STAG1: variants seen among roughly 807,000 people sequenced by gnomAD.
STAG1 encodes STAG1 cohesin complex component.
STAG1 carries 26 observed loss-of-function variants against 170.9 expected under a neutral mutation model. The ratio of observed to expected loss-of-function variants is 0.15; its 90% CI spans 0.11 to 0.21. The LOEUF (loss-of-function observed/expected upper bound fraction) is 0.21, where lower values mean the gene tolerates loss of function less well. Among genes scored for constraint, STAG1 ranks in the 10% least tolerant of loss-of-function variants. The pLI is 1.00. For synonymous variants in STAG1, 514 were observed against 497.7 expected, an observed-to-expected ratio of 1.03 and a Z score of -0.44; for missense variants, 964 against 1,509.5, an observed-to-expected ratio of 0.64 and a Z score of 5.99.
intron 1 of STAG1, among the ~76,000 whole-genome samples, chr3:136,645,424 C>T (rs1940970516): frequency 6.6e-6 from 1 of 152,166 alleles, no homozygotes; most frequent in African/African-American, 2.4e-5. Flanking sequence ...TCAGCCCCAA[C>T]TGCCTCTGCT....
chr3:136,530,389 T>G (rs1052975378), intron 6 of STAG1, among the ~76,000 whole-genome samples: 5 of 152,168 alleles, frequency 3.3e-5, no homozygotes, highest in African/African-American at 1.2e-4. Flanking sequence ...ATAGGACATT[T>G]TATCCAACAA....
chr3:136,563,281 C>T (rs532576813), intron 5 of STAG1, among the ~76,000 whole-genome samples: 3 of 152,194 alleles, frequency 2.0e-5, no homozygotes, highest in African/African-American at 4.8e-5. Flanking sequence ...TCCCAAGTTA[C>T]GTTGGTTAGT....
chr3:136,604,455 G>C lies in STAG1; in HGVS notation c.151C>G (p.Arg51Gly), dbSNP rs756038284. ...CTGCTCTTCTCACCTGGAGATTTTC[G>C]AGGTTTCTTATTTGTAGACTGAAAA... The part of the protein sequence containing the change: ...GRPPSTNKKP[R>G]KSPGEKSRIE... Residue 51 changes from arginine to glycine, a missense_variant, in exon 4 of 34, where the codon CGA (arginine) becomes GGA (glycine). Physicochemically the swap from Arg to Gly is moderately radical, Grantham distance 125. Around this residue, in one of 11 missense-constraint regions of STAG1, gnomAD observed 108 missense variants for 120.2 expected, o/e 0.90. Transcript: ENST00000383202. 6 of 1,598,884 alleles carry C rather than the reference G, an allele frequency of 3.8e-6. No individual in the cohort carries two copies. The highest frequency in any genetic ancestry group is 5.1e-6 in the Non-Finnish European group (6 of 1,175,880).
intron 1 of STAG1, among the ~76,000 whole-genome samples, chr3:136,670,947 A>G (rs919660222): frequency 2.0e-5 from 3 of 152,186 alleles, no homozygotes; most frequent in Non-Finnish European, 4.4e-5. Flanking sequence ...AAATTACTCA[A>G]AAGTGAAGAG....
chr3:136,720,419 T>C (rs1933173764), intron 1 of STAG1, among the ~76,000 whole-genome samples: 1 of 152,142 alleles, frequency 6.6e-6, no homozygotes, highest in Non-Finnish European at 1.5e-5. Context: ...CCCAGGAGAA[T>C]GTGTCCTGAC....
At chr3:136,386,475 ACAAAGGCT>A (rs1244663978) in intron 22 of STAG1, among the ~76,000 whole-genome samples, 4 of 152,354 alleles carry the variant, frequency 2.6e-5, no homozygotes, top group African/African-American at 9.6e-5. Flanking sequence ...TCCTAAAGGC[ACAAAGGCT>A]CAAATTTGAC....
At chr3:136,580,596 C>A (rs1271630203) in intron 4 of STAG1, among the ~76,000 whole-genome samples, 17 of 145,590 alleles carry the variant, frequency 1.2e-4, no homozygotes, top group Non-Finnish European at 2.4e-4. Context: ...TGCAGTGGCG[C>A]AATCTCGGCT....
At chr3:136,746,408 ATAAAC>A (rs1233594849) in intron 1 of STAG1, among the ~76,000 whole-genome samples, 1 of 152,054 alleles carries the variant, frequency 6.6e-6, no homozygotes, top group African/African-American at 2.4e-5. Flanking sequence ...CACCTGTAAA[ATAAAC>A]TAATTATAAA....
chr3:136,339,368 T>C (rs1402652269), intron 32 of STAG1, among the ~76,000 whole-genome samples: 1 of 152,062 alleles, frequency 6.6e-6, no homozygotes, highest in Non-Finnish European at 1.5e-5. Context: ...ACTAAAAATA[T>C]AAAAATTAAC....
At chr3:136,463,812 T>A (rs1202110449) in intron 13 of STAG1, among the ~76,000 whole-genome samples, 5 of 143,608 alleles carry the variant, frequency 3.5e-5, no homozygotes, top group Non-Finnish European at 6.1e-5. Flanking sequence ...CATACATATA[T>A]ACACATATAT....
chr3:136,448,535 TAC>T (rs1269292478), intron 14 of STAG1, among the ~76,000 whole-genome samples: 1 of 152,182 alleles, frequency 6.6e-6, no homozygotes, highest in East Asian at 1.9e-4. Context: ...GCCCTTATGA[TAC>T]AGTTATCTCC....
intron 1 of STAG1, among the ~76,000 whole-genome samples, chr3:136,652,989 T>A (rs960610309): frequency 1.3e-5 from 2 of 152,060 alleles, no homozygotes; most frequent in Non-Finnish European, 2.9e-5. Context: ...AGTTAAGAAC[T>A]AGCAGCCGGG....
intron 9 of STAG1, among the ~76,000 whole-genome samples, chr3:136,479,306 C>A (rs1249879004): frequency 3.1e-5 from 4 of 131,090 alleles, no homozygotes. Flanking sequence ...CAATTCCCAC[C>A]TATGAGTGAG....
At position 136,467,098 on chromosome 3, in the gene STAG1, A is replaced by C. The variant is rs376600308; in HGVS notation, c.1206-2110T>G. On this transcript the variant is annotated intron_variant, in intron 12 of 33. Coordinates refer to ENST00000383202, the MANE Select transcript of STAG1 (RefSeq NM_005862.3). The stretch of plus-strand genomic sequence containing the variant: ...TGCTAGAAAGAAACCGCATCAACTA[A>C]TGAGCAAAATAACCAGCTAACATCA... Among the ~76,000 whole-genome samples, 17 of 152,350 alleles carry C rather than the reference A, an allele frequency of 1.1e-4. 1 individual carries two copies. The East Asian group carries it at 3.3e-3, about 29-fold the overall frequency.
At chr3:136,603,876 G>A (rs1488259409) in intron 4 of STAG1, among the ~76,000 whole-genome samples, 1 of 151,954 alleles carries the variant, frequency 6.6e-6, no homozygotes, top group Non-Finnish European at 1.5e-5. Flanking sequence ...AACAGAGCCA[G>A]ACTCTGTCTC....
intron 1 of STAG1, among the ~76,000 whole-genome samples, chr3:136,664,019 T>C (rs572233159): frequency 6.6e-6 from 1 of 152,280 alleles, no homozygotes; most frequent in African/African-American, 2.4e-5. Context: ...AAATTTGCAT[T>C]CCAAATGACT....
chr3:136,432,521 G>C (rs986813373), intron 16 of STAG1, among the ~76,000 whole-genome samples: 26 of 144,402 alleles, frequency 1.8e-4, no homozygotes, highest in Non-Finnish European at 3.4e-4. Context: ...TTTTGGGGGG[G>C]GGGGGGCACA....
chr3:136,693,221 G>A (rs1433301430), intron 1 of STAG1, among the ~76,000 whole-genome samples: 2 of 152,182 alleles, frequency 1.3e-5, no homozygotes, highest in African/African-American at 4.8e-5. Context: ...GGGACAGAAA[G>A]GTTGTCAATG....
intron 4 of STAG1, among the ~76,000 whole-genome samples, chr3:136,574,341 T>TGC (rs1937374491): frequency 2.0e-5 from 3 of 150,752 alleles, no homozygotes; most frequent in African/African-American, 7.3e-5. Context: ...TGTGTGTGTG[T>TGC]ATACACACAC....
Sources: allele counts gnomAD v4.1 joint callset (sites outside exome capture counted in the v4.1 genomes callset), GRCh38; gene constraint gnomAD v4.1.1; regional missense constraint gnomAD v4.1.1; transcripts MANE v1.5; gene names NCBI Gene and HGNC (gene_info 2026-07-23, HGNC 2026-07-21).